HADH: variants seen among roughly 807,000 people sequenced by gnomAD.
HADH encodes the protein hydroxyacyl-CoA dehydrogenase.
Under a neutral mutation model 32.2 loss-of-function variants are expected in HADH, and 24 were observed. The observed-to-expected ratio is 0.75, with a 90% CI of 0.54 to 1.05. The LOEUF (loss-of-function observed/expected upper bound fraction) is 1.05. Ranked by LOEUF, HADH falls within the 50% of genes least tolerant of loss-of-function variation. The pLI, the probability that HADH is intolerant of heterozygous loss-of-function variation, is 0.00. For synonymous variants in HADH, 139 were observed against 152.5 expected (o/e 0.91, Z 0.65); for missense variants, 350 against 397.1 (o/e 0.88, Z 1.01).
rs922483263 is a variant in HADH at position 108,034,643 on chromosome 4, A to G, written c.*286A>G. 16 of 376,954 alleles carry G rather than the reference A, an allele frequency of 4.2e-5. No homozygotes were observed. The East Asian group carries it at 7.9e-4, about 19-fold the overall frequency. The allele number at this position is 376,954 out of a possible 1,614,324, so 23.4% of individuals were successfully genotyped here. A position where few individuals can be genotyped will look rare whatever the true frequency, so the allele number is the denominator to read the frequency against. On this transcript the variant is annotated 3_prime_UTR_variant, in exon 8 of 8. Coordinates refer to ENST00000309522, the MANE Select transcript of HADH (RefSeq NM_005327.7). ...GCAAACATGTTTTTTGAACCTTGTCATTTTTGTGAAGAATTGCCTAGATTC... is the reference window on the plus strand; with the variant it reads ...GCAAACATGTTTTTTGAACCTTGTCGTTTTTGTGAAGAATTGCCTAGATTC...
At chr4:108,022,477 A>G (rs1353888700) in intron 4 of HADH, among the ~76,000 whole-genome samples, 1 of 152,050 alleles carries the variant, frequency 6.6e-6, no homozygotes, top group East Asian at 1.9e-4. Context: ...CTTGCTGTAA[A>G]TGAAAGCCTT....
intron 6 of HADH, chr4:108,028,749 C>CTTT (rs34805128): frequency 2.7e-6 from 1 of 372,082 alleles, no homozygotes; most frequent in Admixed American, 4.7e-5. Flanking sequence ...AGTTGTATGT[C>CTTT]TTTTTTTTTT....
At chr4:108,023,629 T>G (rs1735966884) in intron 5 of HADH, 66 bp downstream of exon 5, 3 of 918,912 alleles carry the variant, frequency 3.3e-6, no homozygotes, top group Non-Finnish European at 3.7e-6. Flanking sequence ...TTGTTCCTGG[T>G]AGAATTCTTC....
Position 108,034,600 on chromosome 4 carries a change from C to T in HADH, c.*243C>T. On this transcript the variant is annotated 3_prime_UTR_variant, in exon 8 of 8. Coordinates refer to ENST00000309522, the MANE Select transcript of HADH (RefSeq NM_005327.7). Reference sequence around the variant, plus strand: ...TCTGTGTATTTTCTAAACAGCTTTACACCCTTGGTGCCTTGGAGCAAACAT... The same window carrying T: ...TCTGTGTATTTTCTAAACAGCTTTATACCCTTGGTGCCTTGGAGCAAACAT... 2.2e-6 allele frequency: 1 copy of T among 446,532 alleles called. No homozygotes were observed. The highest frequency in any genetic ancestry group is 4.2e-6 in the Non-Finnish European group (1 of 235,984). 27.7% of individuals were successfully genotyped at this position (446,532 alleles called of 1,614,324 possible). A position where few individuals can be genotyped will look rare whatever the true frequency, so the allele number is the denominator to read the frequency against.
chr4:108,034,860 T>TTTTAA lies in HADH; in HGVS notation c.*504_*505insTTAAT. 2 of 256,016 alleles carry TTTTAA rather than the reference T, an allele frequency of 7.8e-6. No homozygotes were observed. Among genetic ancestry groups the TTTTAA allele is most frequent in the Middle Eastern group, 1.5e-3 (1 of 674 alleles). The allele number at this position is 256,016 out of a possible 1,614,324, so 15.9% of individuals were successfully genotyped here. ...GCAGCTTTGAGTCTTGCCCTACATTTTGGGCATGACATAAGATGTGTCTTT... is the reference window on the plus strand; with the variant it reads ...GCAGCTTTGAGTCTTGCCCTACATTTTTTAATGGGCATGACATAAGATGTGTCTTT... On this transcript the variant is annotated 3_prime_UTR_variant, in exon 8 of 8. Transcript: ENST00000309522.
At chr4:107,995,336 G>A (rs1219684246) in intron 1 of HADH, among the ~76,000 whole-genome samples, 2 of 152,164 alleles carry the variant, frequency 1.3e-5, no homozygotes, top group African/African-American at 2.4e-5. Context: ...AGCTGTGAAA[G>A]TTAAATGAAC....
chr4:108,023,325 T>G (rs1002414358), intron 4 of HADH, 149 bp from the exon 5 acceptor site: 25 of 637,820 alleles, frequency 3.9e-5, no homozygotes, highest in Non-Finnish European at 6.6e-5. Context: ...GGAAATACAT[T>G]GTTTCTGGCT....
At chr4:108,020,207 T>C (rs1452612244) in intron 4 of HADH, among the ~76,000 whole-genome samples, 2 of 152,334 alleles carry the variant, frequency 1.3e-5, no homozygotes, top group Admixed American at 1.3e-4. Context: ...CGGCGGCTCA[T>C]GCCTGTAATC....
At chr4:108,003,555 G>A (rs1353017678) in intron 1 of HADH, among the ~76,000 whole-genome samples, 3 of 152,098 alleles carry the variant, frequency 2.0e-5, no homozygotes, top group African/African-American at 7.2e-5. Context: ...TGGTGGTAAA[G>A]CAAAGGCCAG....
At chr4:108,034,126 C>T in intron 7 of HADH, 113 bp from the exon 8 acceptor site, 1 of 801,828 alleles carries the variant, frequency 1.2e-6, no homozygotes, top group South Asian at 1.3e-5. Flanking sequence ...GGGCGCCATG[C>T]CTGGGGGGCT....
At chr4:108,010,443 T>A (rs1735447441) in intron 2 of HADH, among the ~76,000 whole-genome samples, 2 of 152,194 alleles carry the variant, frequency 1.3e-5, no homozygotes, top group Non-Finnish European at 2.9e-5. Context: ...CACTTTCACT[T>A]AGGAGTTTGC....
intron 4 of HADH, among the ~76,000 whole-genome samples, chr4:108,020,794 C>A (rs1312257109): frequency 6.6e-6 from 1 of 152,160 alleles, no homozygotes; most frequent in Admixed American, 6.5e-5. Flanking sequence ...GATGTGGGGC[C>A]AGGCAAACCT....
rs756177386 is a variant in HADH, at chr4:108,027,702, T to C, written c.651T>C (p.Phe217=). 2.8e-5 allele frequency: 45 copies of C among 1,607,796 alleles called. 1 individual carries two copies. The South Asian group carries it at 4.9e-4, about 18-fold the overall frequency. Residue 217 remains phenylalanine (F), a synonymous_variant, in exon 6 of 8, where the codon TTT becomes TTC. Transcript: ENST00000309522. ...TCCCAAAACAGGACACTCCTGGGTT[T>C]ATTGTGAACCGCCTCCTGGTTCCAT... ...HPVSCKDTPG[F]IVNRLLVPYL...
intron 1 of HADH, among the ~76,000 whole-genome samples, chr4:108,001,295 G>C (rs890538179): frequency 8.5e-5 from 13 of 152,170 alleles, no homozygotes; most frequent in Admixed American, 3.3e-4. Context: ...GATTATTTTG[G>C]TTTCAGGCAC....
intron 7 of HADH, 79 bp downstream of exon 7, chr4:108,033,371 G>A (rs538175230): frequency 2.5e-6 from 2 of 812,584 alleles, no homozygotes; most frequent in Non-Finnish European, 4.4e-6. Flanking sequence ...TTTAAAAAAA[G>A]TTAGCAGGGG....
At chr4:107,995,513 A>T (rs1734929635) in intron 1 of HADH, among the ~76,000 whole-genome samples, 1 of 151,496 alleles carries the variant, frequency 6.6e-6, no homozygotes, top group South Asian at 2.1e-4. Flanking sequence ...AATTCTAAAG[A>T]TGTTAAGACT....
At chr4:107,999,582 A>G (rs550703834) in intron 1 of HADH, among the ~76,000 whole-genome samples, 3 of 152,342 alleles carry the variant, frequency 2.0e-5, no homozygotes, top group African/African-American at 7.2e-5. Context: ...TAGCAACAAA[A>G]CCAGTCATGA....
chr4:108,005,041 CT>C (rs1292495450), intron 1 of HADH: 3 of 616,800 alleles, frequency 4.9e-6, no homozygotes, highest in East Asian at 2.9e-5. Flanking sequence ...TATATACCTT[CT>C]TTTTTTCTTT....
chr4:107,998,973 C>T (rs921249843), intron 1 of HADH, among the ~76,000 whole-genome samples: 20 of 152,194 alleles, frequency 1.3e-4, no homozygotes, highest in Admixed American at 4.6e-4. Flanking sequence ...TGTCTTCCTC[C>T]TCTCAAAATT....
Sources: allele counts gnomAD v4.1 joint callset (sites outside exome capture counted in the v4.1 genomes callset), GRCh38; gene constraint gnomAD v4.1.1; transcripts MANE v1.5; gene names NCBI Gene and HGNC (gene_info 2026-07-23, HGNC 2026-07-21).